The following DGKB variants were observed in gnomAD, a reference collection of about 807,000 sequenced individuals.
DGKB encodes the protein 90 kDa diacylglycerol kinase.
DGKB carries 67 observed loss-of-function variants against 114.3 expected under a neutral mutation model. The observed-to-expected ratio is 0.59, with a 90% CI of 0.48 to 0.72. The LOEUF (loss-of-function observed/expected upper bound fraction) is 0.72, where lower values mean the gene tolerates loss of function less well. Ranked by LOEUF, DGKB falls within the 30% of genes least tolerant of loss-of-function variation. DGKB has a pLI of 0.00. For missense variants in DGKB, 907 were observed against 975.2 expected (o/e 0.93, Z 0.93); for synonymous variants, 398 against 323.1 (o/e 1.23, Z -2.49).
chr7:14,939,456 G>A (rs1785447744), intron 1 of DGKB, among the ~76,000 whole-genome samples: 1 of 151,974 alleles, frequency 6.6e-6, no homozygotes, highest in Non-Finnish European at 1.5e-5. Flanking sequence ...CACTTAGGTG[G>A]CATCTTGACC....
At chr7:14,509,856 A>G (rs1039506785) in intron 20 of DGKB, among the ~76,000 whole-genome samples, 1 of 152,066 alleles carries the variant, frequency 6.6e-6, no homozygotes, top group African/African-American at 2.4e-5. Flanking sequence ...GTCACACAAA[A>G]TTTTCTATTT....
chr7:14,703,015 C>G (rs1487435489), intron 6 of DGKB, among the ~76,000 whole-genome samples: 2 of 151,208 alleles, frequency 1.3e-5, no homozygotes, highest in South Asian at 2.1e-4. Context: ...ACTTAAATAT[C>G]TGTATTGTAA....
chr7:14,226,921 T>C (rs1298848343), intron 23 of DGKB, among the ~76,000 whole-genome samples: 1 of 152,030 alleles, frequency 6.6e-6, no homozygotes, highest in East Asian at 1.9e-4. Flanking sequence ...ATTTATCTAT[T>C]TAATGGGGGT....
intron 13 of DGKB, among the ~76,000 whole-genome samples, chr7:14,663,342 C>A (rs10279650): frequency 0.77 from 117,261 of 151,914 alleles, 45,682 homozygotes; most frequent in East Asian, 0.89. Context: ...GGTGGTTTAT[C>A]AATAGACTTA....
intron 21 of DGKB, among the ~76,000 whole-genome samples, chr7:14,437,869 T>C (rs1317769435): frequency 1.3e-5 from 2 of 151,484 alleles, no homozygotes; most frequent in East Asian, 1.9e-4. Context: ...ACAGGACTTA[T>C]TGGTCTTTAC....
intron 23 of DGKB, among the ~76,000 whole-genome samples, chr7:14,210,698 A>T (rs1285736942): frequency 2.6e-5 from 4 of 152,032 alleles, no homozygotes; most frequent in Non-Finnish European, 5.9e-5. Context: ...CCTCTCTTCA[A>T]GTCTTCAAAT....
intron 3 of DGKB, among the ~76,000 whole-genome samples, chr7:14,754,389 T>C (rs926114539): frequency 2.0e-5 from 3 of 152,210 alleles, no homozygotes; most frequent in African/African-American, 7.2e-5. Flanking sequence ...TAACCATCTA[T>C]ATAAAGGTAT....
intron 1 of DGKB, among the ~76,000 whole-genome samples, chr7:14,947,602 T>A (rs965349272): frequency 3.6e-5 from 5 of 138,504 alleles, no homozygotes; most frequent in Non-Finnish European, 7.7e-5. Context: ...TATAGATATA[T>A]GAAGAGCTTT....
chr7:14,592,752 T>A (rs190912803), intron 17 of DGKB, among the ~76,000 whole-genome samples: 290 of 151,986 alleles, frequency 1.9e-3, no homozygotes, highest in Middle Eastern at 6.8e-3. Flanking sequence ...GGGGGAAAGG[T>A]TATTTCATGT....
chr7:14,237,475 C>T (rs1366583723), intron 23 of DGKB, among the ~76,000 whole-genome samples: 8 of 151,464 alleles, frequency 5.3e-5, no homozygotes, highest in Admixed American at 3.3e-4. Context: ...AATCCACTAA[C>T]GTCCTTGCCT....
chr7:14,728,255 G>A lies in DGKB; in HGVS notation c.322+7786C>T, dbSNP rs550823322. ...AATATCTTCTGGACCCTTTTATACC[G>A]TCAGCCTCATTCTCCTTCATGATAG... On this transcript the variant is annotated intron_variant, in intron 5 of 25. Coordinates refer to ENST00000402815, the MANE Select transcript of DGKB (RefSeq NM_001350709.2). Among the ~76,000 whole-genome samples the A allele has an allele frequency of 1.4e-4, 21 of 152,172 alleles. No homozygotes were observed. The East Asian group carries it at 1.7e-3, about 13-fold the overall frequency.
chr7:14,584,410 C>T (rs566125087), intron 17 of DGKB, among the ~76,000 whole-genome samples: 2 of 152,084 alleles, frequency 1.3e-5, no homozygotes, highest in Non-Finnish European at 2.9e-5. Context: ...CTCTGAATGG[C>T]TCCCACTGTC....
intron 2 of DGKB, among the ~76,000 whole-genome samples, chr7:14,791,910 G>T (rs966230391): frequency 6.6e-6 from 1 of 151,924 alleles, no homozygotes; most frequent in Admixed American, 6.6e-5. Context: ...GTTCATGAGG[G>T]ATGCTGGTCT....
At chr7:14,332,312 G>A (rs1217350774) in intron 23 of DGKB, among the ~76,000 whole-genome samples, 1 of 152,200 alleles carries the variant, frequency 6.6e-6, no homozygotes, top group Admixed American at 6.5e-5. Flanking sequence ...AAGTTGTCCA[G>A]ATAAGCAGCA....
intron 20 of DGKB, among the ~76,000 whole-genome samples, chr7:14,513,448 A>G (rs1330566825): frequency 6.6e-6 from 1 of 152,050 alleles, no homozygotes; most frequent in African/African-American, 2.4e-5. Context: ...TGTGAGCTCA[A>G]TCACATAATA....
At chr7:14,725,445 C>T (rs1439518103) in intron 5 of DGKB, among the ~76,000 whole-genome samples, 5 of 151,944 alleles carry the variant, frequency 3.3e-5, no homozygotes, top group Non-Finnish European at 7.4e-5. Context: ...GCCCATGATG[C>T]CAAATTTTCT....
chr7:14,933,694 T>C (rs925748186), intron 1 of DGKB, among the ~76,000 whole-genome samples: 1 of 152,152 alleles, frequency 6.6e-6, no homozygotes, highest in Non-Finnish European at 1.5e-5. Flanking sequence ...TATTAATACA[T>C]GAATTTAAAT....
At chr7:14,312,614 T>C (rs1437765386) in intron 23 of DGKB, among the ~76,000 whole-genome samples, 1 of 152,234 alleles carries the variant, frequency 6.6e-6, no homozygotes, top group Non-Finnish European at 1.5e-5. Context: ...CATAACAAAC[T>C]GTGATACTTG....
intron 1 of DGKB, among the ~76,000 whole-genome samples, chr7:14,859,677 TA>T (rs1456480979): frequency 6.6e-6 from 1 of 152,150 alleles, no homozygotes; most frequent in Non-Finnish European, 1.5e-5. Context: ...CCTCTGAAAG[TA>T]ACTACATTAT....
Sources: allele counts gnomAD v4.1 joint callset (sites outside exome capture counted in the v4.1 genomes callset), GRCh38; gene constraint gnomAD v4.1.1; transcripts MANE v1.5; gene names NCBI Gene and HGNC (gene_info 2026-07-23, HGNC 2026-07-21).